Variants in FBXW11 observed in about 807,000 individuals in gnomAD.
The protein encoded by FBXW11 is F-box and WD repeat domain containing 11.
FBXW11 carries 19 observed loss-of-function variants against 77.6 expected under a neutral mutation model. That is an observed-to-expected ratio of 0.24 (90% CI 0.17 to 0.36). The LOEUF (loss-of-function observed/expected upper bound fraction) is 0.36. Among genes scored for constraint, FBXW11 ranks in the 10% least tolerant of loss-of-function variants. The probability of loss-of-function intolerance (pLI) is 1.00; values close to 1 mark genes in which losing one functional copy is unlikely to be tolerated. For missense variants in FBXW11, 334 were observed against 704.2 expected (o/e 0.47, Z 5.95); for synonymous variants, 235 against 249.4 (o/e 0.94, Z 0.54).
intron 3 of FBXW11, among the ~76,000 whole-genome samples, chr5:171,911,869 C>G (rs1216050794): frequency 6.6e-6 from 1 of 152,208 alleles, no homozygotes; most frequent in Non-Finnish European, 1.5e-5. Flanking sequence ...AGTAACCTCC[C>G]TGTCTAAAAA....
intron 1 of FBXW11, among the ~76,000 whole-genome samples, chr5:171,974,156 C>A (rs1368317980): frequency 6.6e-6 from 1 of 152,086 alleles, no homozygotes; most frequent in Admixed American, 6.6e-5. Context: ...AAACATAGGT[C>A]AGGCACAGTG....
In FBXW11 at chr5:171,922,098, G is replaced by GAGGC. The variant is rs1365158597; in HGVS notation, c.148-7694_148-7693insGCCT. Among the ~76,000 whole-genome samples, 9 of 148,726 alleles carry GAGGC rather than the reference G, an allele frequency of 6.1e-5. 3 individuals are homozygous for GAGGC. The highest frequency in any genetic ancestry group is 1.3e-4 in the Admixed American group (2 of 14,926). Reference sequence around the variant, plus strand: ...CAAGGGAGGGAGGGAGGGAGGGAGGGAGGGGCTTGATTTACTAGATATATC... The same window carrying GAGGC: ...CAAGGGAGGGAGGGAGGGAGGGAGGGAGGCAGGGGCTTGATTTACTAGATATATC... On this transcript the variant is annotated intron_variant, in intron 2 of 13. Transcript: ENST00000517395.
At chr5:171,891,274 G>T (rs991959089) in intron 7 of FBXW11, among the ~76,000 whole-genome samples, 193 bp downstream of exon 7, 3 of 152,036 alleles carry the variant, frequency 2.0e-5, no homozygotes, top group African/African-American at 7.2e-5. Context: ...GATAAGAAGT[G>T]AGACAATCCA....
At chr5:172,006,433 A>G in intron 1 of FBXW11, 25 bp downstream of exon 1, 1 of 1,530,512 alleles carries the variant, frequency 6.5e-7, no homozygotes, top group Non-Finnish European at 8.8e-7. Context: ...ACGGAAGCAC[A>G]GACGGTCCAG....
intron 13 of FBXW11, among the ~76,000 whole-genome samples, chr5:171,865,485 A>G (rs1757330262): frequency 6.6e-6 from 1 of 152,228 alleles, no homozygotes; most frequent in Non-Finnish European, 1.5e-5. Flanking sequence ...ACAATCTAAT[A>G]TAATTTGGCA....
At chr5:171,996,121 A>C (rs138007423) in intron 1 of FBXW11, among the ~76,000 whole-genome samples, 155 of 152,314 alleles carry the variant, frequency 1.0e-3, no homozygotes, top group African/African-American at 3.6e-3. Flanking sequence ...ACTCGCTCTC[A>C]ATAAGCAGTT....
intron 7 of FBXW11, among the ~76,000 whole-genome samples, chr5:171,878,594 G>GTGTA (rs1758282390): frequency 2.0e-5 from 2 of 100,660 alleles, no homozygotes; most frequent in Non-Finnish European, 2.3e-5. Flanking sequence ...GTGTGTGTAA[G>GTGTA]AGAGAGAGAG....
intron 1 of FBXW11, among the ~76,000 whole-genome samples, chr5:172,002,589 A>C (rs576692430): frequency 3.4e-5 from 5 of 149,250 alleles, no homozygotes; most frequent in Admixed American, 6.7e-5. Flanking sequence ...AAACAACCCC[A>C]CTCACCCCGA....
chr5:171,912,652 A>T (rs13153929), intron 3 of FBXW11, among the ~76,000 whole-genome samples: 5,652 of 152,296 alleles, frequency 0.037, 144 homozygotes, highest in Middle Eastern at 0.13. Flanking sequence ...CATGCCTGTA[A>T]TCCCAGCACT....
intron 2 of FBXW11, among the ~76,000 whole-genome samples, chr5:171,955,132 TC>T (rs1763541976): frequency 6.6e-6 from 1 of 152,352 alleles, no homozygotes; most frequent in East Asian, 1.9e-4. Flanking sequence ...ATACCTGTTT[TC>T]CCTTCTAGAC....
At chr5:171,936,250 T>C (rs1762477119) in intron 2 of FBXW11, among the ~76,000 whole-genome samples, 2 of 151,620 alleles carry the variant, frequency 1.3e-5, no homozygotes, top group South Asian at 4.2e-4. Flanking sequence ...CCCAACACTT[T>C]GGGAAGGCAA....
At chr5:171,871,564 A>C (rs749923895) in intron 10 of FBXW11, among the ~76,000 whole-genome samples, 1 of 152,236 alleles carries the variant, frequency 6.6e-6, no homozygotes, top group Non-Finnish European at 1.5e-5. Context: ...GACAACACCA[A>C]GTCTTTTTCT....
In FBXW11 at chr5:171,976,046, G is replaced by A. The variant is rs114670601; in HGVS notation, c.46-18348C>T. ...CCTATTAATCACTAAAACACATGAG[G>A]ATGGAAGGATGGAGAGAGGGAGGGG... On this transcript the variant is annotated intron_variant, in intron 1 of 13. Coordinates refer to ENST00000517395, the MANE Select transcript of FBXW11 (RefSeq NM_001378974.1). 6.5e-3 allele frequency among the ~76,000 whole-genome samples: 984 copies of A among 152,198 alleles called. 4 individuals carry two copies. The highest frequency in any genetic ancestry group is 0.02 in the African/African-American group (818 of 41,538).
At chr5:171,884,204 T>A (rs892119357) in intron 7 of FBXW11, among the ~76,000 whole-genome samples, 2 of 152,222 alleles carry the variant, frequency 1.3e-5, no homozygotes, top group African/African-American at 2.4e-5. Flanking sequence ...CCACATTGAG[T>A]TGATTTTTGT....
chr5:171,908,556 AAG>A (rs1399225085), intron 4 of FBXW11, among the ~76,000 whole-genome samples: 2 of 152,188 alleles, frequency 1.3e-5, no homozygotes, highest in Non-Finnish European at 2.9e-5. Context: ...TGATTCTAGA[AAG>A]AGAGGATTTA....
At chr5:171,898,223 G>A (rs946357623) in intron 6 of FBXW11, among the ~76,000 whole-genome samples, 8 of 152,206 alleles carry the variant, frequency 5.3e-5, no homozygotes, top group Admixed American at 2.6e-4. Context: ...ACCTGGGGGA[G>A]AGGATTACTT....
chr5:171,945,439 C>T (rs528486117), intron 2 of FBXW11, among the ~76,000 whole-genome samples: 2 of 152,168 alleles, frequency 1.3e-5, no homozygotes, highest in Admixed American at 1.3e-4. Flanking sequence ...GTAGATACCC[C>T]TGTTTAGGTC....
At chr5:171,959,857 A>AAAG (rs70982357) in intron 1 of FBXW11, among the ~76,000 whole-genome samples, 35,931 of 130,690 alleles carry the variant, frequency 0.27, 5,842 homozygotes, top group East Asian at 0.49. Context: ...CAAAAAAAAA[A>AAAG]AAAAGAAAAG....
At chr5:171,983,841 T>C (rs1317773627) in intron 1 of FBXW11, among the ~76,000 whole-genome samples, 3 of 152,186 alleles carry the variant, frequency 2.0e-5, no homozygotes, top group Non-Finnish European at 4.4e-5. Flanking sequence ...ATGTCTACCT[T>C]AGAATTGCTG....
Sources: allele counts gnomAD v4.1 joint callset (sites outside exome capture counted in the v4.1 genomes callset), GRCh38; gene constraint gnomAD v4.1.1; transcripts MANE v1.5; gene names NCBI Gene and HGNC (gene_info 2026-07-23, HGNC 2026-07-21).